KIAA0825: variants seen among roughly 807,000 people sequenced by gnomAD.
The protein encoded by KIAA0825 is KIAA0825, also known as uncharacterized protein KIAA0825.
In KIAA0825, 119 loss-of-function variants were observed where a neutral mutation model predicts 147.6. The ratio of observed to expected loss-of-function variants is 0.81; its 90% CI spans 0.69 to 0.94. The LOEUF (loss-of-function observed/expected upper bound fraction) is 0.94. Ranked by LOEUF, KIAA0825 falls within the 40% of genes least tolerant of loss-of-function variation. The probability of loss-of-function intolerance (pLI) is 0.00; values close to 1 mark genes in which losing one functional copy is unlikely to be tolerated. For missense variants in KIAA0825, 1,381 were observed against 1,472.7 expected (o/e 0.94, Z 1.02); for synonymous variants, 470 against 518.1 (o/e 0.91, Z 1.26).
At chr5:94,452,227 C>A (rs927336576) in intron 13 of KIAA0825, among the ~76,000 whole-genome samples, 1 of 152,124 alleles carries the variant, frequency 6.6e-6, no homozygotes, top group South Asian at 2.1e-4. Context: ...ATGGAAACTT[C>A]TGTATATGAG....
chr5:94,513,755 T>TACCCATA (rs1332715315), intron 5 of KIAA0825, among the ~76,000 whole-genome samples: 1 of 151,820 alleles, frequency 6.6e-6, no homozygotes, highest in African/African-American at 2.4e-5. Flanking sequence ...CCTCCCCTTA[T>TACCCATA]ACCCATAAAT....
intron 13 of KIAA0825, among the ~76,000 whole-genome samples, chr5:94,445,109 C>T (rs1444751152): frequency 6.6e-6 from 1 of 152,108 alleles, no homozygotes; most frequent in African/African-American, 2.4e-5. Flanking sequence ...GAAGTTAACT[C>T]CTTGGTGCCA....
chr5:94,422,382 T>C (rs2150739056), intron 14 of KIAA0825, among the ~76,000 whole-genome samples: 1 of 152,270 alleles, frequency 6.6e-6, no homozygotes. Flanking sequence ...ACTCCCTTAG[T>C]CCAATTATAC....
chr5:94,187,188 G>A (rs1156610293), intron 20 of KIAA0825, among the ~76,000 whole-genome samples: 1 of 151,976 alleles, frequency 6.6e-6, no homozygotes, highest in Non-Finnish European at 1.5e-5. Flanking sequence ...TGGGGCTGGG[G>A]GCTAGGGAGT....
chr5:94,349,728 G>T (rs181923102), intron 20 of KIAA0825, among the ~76,000 whole-genome samples: 3 of 152,212 alleles, frequency 2.0e-5, no homozygotes, highest in Admixed American at 6.5e-5. Context: ...AAAATTCTTC[G>T]AACTGAATGA....
chr5:94,306,181 A>G (rs1158210799), intron 20 of KIAA0825, among the ~76,000 whole-genome samples: 2 of 151,868 alleles, frequency 1.3e-5, no homozygotes, highest in Admixed American at 1.3e-4. Context: ...TCATATTTAG[A>G]GAAAAAAAAG....
chr5:94,364,004 G>A lies in KIAA0825; in HGVS notation c.3710+20364C>T, dbSNP rs568708767. ...AGACTGACAGCCAAAAGCGTGAACAGAACAGACCCATGCTTTCACCACTGT... is the reference window on the plus strand; with the variant it reads ...AGACTGACAGCCAAAAGCGTGAACAAAACAGACCCATGCTTTCACCACTGT... On this transcript the variant is annotated intron_variant, in intron 20 of 20. Coordinates refer to ENST00000682413, the MANE Select transcript of KIAA0825 (RefSeq NM_001145678.3). Among the ~76,000 whole-genome samples the A allele has an allele frequency of 1.8e-4, 28 of 152,090 alleles. No individual in the cohort carries two copies. In the East Asian group the frequency reaches 5.4e-3, roughly 29 times the overall value.
chr5:94,341,972 T>TC (rs1237074264), intron 20 of KIAA0825, among the ~76,000 whole-genome samples: 1 of 152,010 alleles, frequency 6.6e-6, no homozygotes, highest in Non-Finnish European at 1.5e-5. Flanking sequence ...GGCAGGCGGG[T>TC]CATGAGGTCA....
intron 1 of KIAA0825, among the ~76,000 whole-genome samples, chr5:94,608,202 T>G (rs1787854629): frequency 6.6e-6 from 1 of 151,444 alleles, no homozygotes; most frequent in African/African-American, 2.4e-5. Flanking sequence ...CTCAGAATAA[T>G]GCCAGGTTTG....
At position 94,403,234 on chromosome 5, in the gene KIAA0825, CTA is replaced by C. The variant is rs531336656; in HGVS notation, c.2887+333_2887+334del. ...AAATGGAATATCAGAGCAAATTTCT[CTA>C]GAGTATGGATTTTAAGTTACTCAAC... On this transcript the variant is annotated intron_variant, in intron 16 of 20. Transcript: ENST00000682413. 2.6e-3 allele frequency among the ~76,000 whole-genome samples: 397 copies of C among 152,212 alleles called. 1 individual carries two copies. The highest frequency in any genetic ancestry group is 9.0e-3 in the African/African-American group (375 of 41,542).
At chr5:94,331,185 G>T (rs1284142434) in intron 20 of KIAA0825, among the ~76,000 whole-genome samples, 1 of 149,090 alleles carries the variant, frequency 6.7e-6, no homozygotes, top group East Asian at 2.0e-4. Context: ...AAGAAGAGAA[G>T]AAAGGAAGGA....
chr5:94,164,317 A>G (rs1767835110), intron 20 of KIAA0825, among the ~76,000 whole-genome samples: 1 of 152,240 alleles, frequency 6.6e-6, no homozygotes, highest in African/African-American at 2.4e-5. Flanking sequence ...ACAGAGGTAT[A>G]GTAACCAAAA....
chr5:94,422,186 C>T (rs1754267140), intron 14 of KIAA0825, among the ~76,000 whole-genome samples: 1 of 152,140 alleles, frequency 6.6e-6, no homozygotes, highest in South Asian at 2.1e-4. Flanking sequence ...CCCTTTTACC[C>T]TGAAGCAGGC....
intron 20 of KIAA0825, among the ~76,000 whole-genome samples, chr5:94,306,440 C>T (rs1778740420): frequency 6.6e-6 from 1 of 151,778 alleles, no homozygotes; most frequent in Admixed American, 6.6e-5. Flanking sequence ...AAATCCAGCA[C>T]CATATTAAAA....
At chr5:94,288,033 C>T (rs1359677754) in intron 20 of KIAA0825, among the ~76,000 whole-genome samples, 2 of 152,148 alleles carry the variant, frequency 1.3e-5, no homozygotes, top group Non-Finnish European at 2.9e-5. Context: ...GGACATGAGC[C>T]ATGTCTATTG....
At chr5:94,559,609 T>A (rs1327744382) in intron 2 of KIAA0825, among the ~76,000 whole-genome samples, 1 of 152,244 alleles carries the variant, frequency 6.6e-6, no homozygotes, top group Non-Finnish European at 1.5e-5. Context: ...TCTGTGTTTC[T>A]TGGATGGCTA....
At chr5:94,305,557 T>C (rs910166538) in intron 20 of KIAA0825, among the ~76,000 whole-genome samples, 20 of 151,990 alleles carry the variant, frequency 1.3e-4, no homozygotes, top group African/African-American at 4.1e-4. Flanking sequence ...ATTACGTCAA[T>C]TGACAATGAA....
At chr5:94,298,498 T>A (rs1042478899) in intron 20 of KIAA0825, among the ~76,000 whole-genome samples, 3 of 152,190 alleles carry the variant, frequency 2.0e-5, no homozygotes, top group African/African-American at 7.2e-5. Flanking sequence ...AGGCAACGCT[T>A]ATTTGTGTGG....
Position 94,473,413 on chromosome 5 carries a change from T to C in KIAA0825, c.1334A>G (p.Gln445Arg), listed in dbSNP as rs911112473. 2 of 1,551,946 alleles carry C rather than the reference T, an allele frequency of 1.3e-6. No individual in the cohort carries two copies. The highest frequency in any genetic ancestry group is 2.0e-5 in the Admixed American group (1 of 50,996). The change falls in exon 8 of 21, where the codon CAA becomes CGA. Residue 445 changes from glutamine to arginine, a missense_variant. Physicochemically the swap from Gln to Arg is conservative, Grantham distance 43. Transcript: ENST00000682413. ...TGAAGACCTTTCATTCTGTTCCTGT[T>C]GGAGAATTTTTGTGGAAAAACCTTC... Reference protein sequence around the residue: ...AIEGFSTKILQQEQNERSSAV... With the variant: ...AIEGFSTKILRQEQNERSSAV...
Sources: allele counts gnomAD v4.1 joint callset (sites outside exome capture counted in the v4.1 genomes callset), GRCh38; gene constraint gnomAD v4.1.1; transcripts MANE v1.5; gene names NCBI Gene and HGNC (gene_info 2026-07-23, HGNC 2026-07-21).